The following BMPER variants were observed in gnomAD, a reference collection of about 807,000 sequenced individuals.
BMPER encodes BMP-binding endothelial regulator protein.
Under a neutral mutation model 87.3 loss-of-function variants are expected in BMPER, and 45 were observed. The ratio of observed to expected loss-of-function variants is 0.52; its 90% CI spans 0.41 to 0.66. The LOEUF is 0.66. BMPER is among the 30% of genes least tolerant of loss of function. The pLI is 0.00. For synonymous variants in BMPER, 326 were observed against 316.2 expected (o/e 1.03, Z -0.33); for missense variants, 784 against 867.5 (o/e 0.90, Z 1.21).
At chr7:33,905,218 C>A (rs1409009984), upstream of BMPER, 2 of 308,008 alleles carry the variant, frequency 6.5e-6, no homozygotes, top group Admixed American at 9.0e-5. Context: ...GCAGCCCGGG[C>A]GGCGGCTGAG....
At chr7:33,919,680 A>G (rs943512396) in intron 2 of BMPER, among the ~76,000 whole-genome samples, 1 of 152,230 alleles carries the variant, frequency 6.6e-6, no homozygotes, top group Non-Finnish European at 1.5e-5. Flanking sequence ...TTGAGCATTT[A>G]TGTTAATAAT....
chr7:33,996,518 A>C (rs1331889556), intron 6 of BMPER, among the ~76,000 whole-genome samples: 2 of 152,230 alleles, frequency 1.3e-5, no homozygotes, highest in Non-Finnish European at 2.9e-5. Flanking sequence ...GGCTATGCAT[A>C]GGGAGATAGT....
At chr7:34,075,912 A>G (rs1253172565) in intron 11 of BMPER, among the ~76,000 whole-genome samples, 1 of 152,224 alleles carries the variant, frequency 6.6e-6, no homozygotes, top group Non-Finnish European at 1.5e-5. Flanking sequence ...TTGAGGTGCC[A>G]GGAAAAAGGG....
At chr7:33,939,226 T>C (rs1361788089) in intron 3 of BMPER, among the ~76,000 whole-genome samples, 1 of 152,166 alleles carries the variant, frequency 6.6e-6, no homozygotes, top group African/African-American at 2.4e-5. Context: ...TGCTGTAGTG[T>C]GTAGCCTTCT....
At chr7:34,058,208 A>G in intron 10 of BMPER, 45 bp downstream of exon 10, 1 of 1,559,586 alleles carries the variant, frequency 6.4e-7, no homozygotes, top group East Asian at 2.2e-5. Flanking sequence ...GTCTTGAGAA[A>G]TGTCCTGTGT....
chr7:34,134,348 G>T (rs1790666584), intron 13 of BMPER, among the ~76,000 whole-genome samples: 1 of 152,184 alleles, frequency 6.6e-6, no homozygotes, highest in Admixed American at 6.5e-5. Context: ...AAGAATTATG[G>T]TTACTTCATG....
At chr7:34,108,774 G>A (rs188622186) in intron 13 of BMPER, among the ~76,000 whole-genome samples, 287 of 152,296 alleles carry the variant, frequency 1.9e-3, no homozygotes, top group Non-Finnish European at 3.2e-3. Flanking sequence ...GGATTGCAAT[G>A]GGAAAACCCC....
intron 2 of BMPER, among the ~76,000 whole-genome samples, chr7:33,916,067 G>A (rs1246670912): frequency 6.6e-6 from 1 of 152,156 alleles, no homozygotes; most frequent in African/African-American, 2.4e-5. Context: ...GACTGCCTTT[G>A]CCATACTTTA....
At chr7:34,038,129 A>G (rs904776811) in intron 6 of BMPER, among the ~76,000 whole-genome samples, 7 of 152,228 alleles carry the variant, frequency 4.6e-5, no homozygotes, top group African/African-American at 1.7e-4. Flanking sequence ...CTTACATGGC[A>G]CAAGAGACTT....
intron 13 of BMPER, among the ~76,000 whole-genome samples, chr7:34,091,238 A>C (rs1460103602): frequency 1.3e-5 from 2 of 152,240 alleles, no homozygotes; most frequent in Non-Finnish European, 2.9e-5. Flanking sequence ...CAAGGGGTAC[A>C]GACTTTATGT....
intron 6 of BMPER, among the ~76,000 whole-genome samples, chr7:34,036,295 T>C (rs1251165467): frequency 6.6e-6 from 1 of 152,222 alleles, no homozygotes; most frequent in Non-Finnish European, 1.5e-5. Flanking sequence ...CTTTCACTTT[T>C]TTTTGTTTGT....
chr7:34,081,031 G>A (rs1409668403), intron 12 of BMPER, among the ~76,000 whole-genome samples: 5 of 151,894 alleles, frequency 3.3e-5, no homozygotes, highest in Non-Finnish European at 4.4e-5. Context: ...CAAGATGCAA[G>A]TAATTTTCAT....
At chr7:34,081,402 G>A (rs1169905527) in intron 12 of BMPER, among the ~76,000 whole-genome samples, 1 of 152,236 alleles carries the variant, frequency 6.6e-6, no homozygotes, top group Non-Finnish European at 1.5e-5. Context: ...GCTGGAAGAT[G>A]GGAGATGGGA....
chr7:33,943,396 A>T (rs896785346), intron 3 of BMPER, among the ~76,000 whole-genome samples: 11 of 152,216 alleles, frequency 7.2e-5, no homozygotes, highest in Non-Finnish European at 1.2e-4. Context: ...AGGCCAGTTC[A>T]TGCTTTTTCA....
chr7:34,083,183 G>A (rs978623149), intron 12 of BMPER, among the ~76,000 whole-genome samples: 6 of 152,132 alleles, frequency 3.9e-5, no homozygotes, highest in East Asian at 1.9e-4. Context: ...GCTATATAAC[G>A]TGTTGGATGA....
At chr7:33,921,932 C>G (rs1296140703) in intron 2 of BMPER, 1 of 452,268 alleles carries the variant, frequency 2.2e-6, no homozygotes, top group East Asian at 7.1e-5. Flanking sequence ...CCAACCCCTT[C>G]GACTCCTCAA....
At chr7:34,107,382 G>A (rs553399678) in intron 13 of BMPER, among the ~76,000 whole-genome samples, 3 of 152,248 alleles carry the variant, frequency 2.0e-5, no homozygotes, top group Admixed American at 6.5e-5. Context: ...AAGAGCATTC[G>A]CAAACTAATT....
intron 6 of BMPER, among the ~76,000 whole-genome samples, chr7:34,006,764 G>A (rs753159983): frequency 5.9e-5 from 9 of 151,584 alleles, no homozygotes; most frequent in African/African-American, 4.9e-5. Context: ...TCCTCTTTGC[G>A]ATGCAATTTG....
intron 6 of BMPER, among the ~76,000 whole-genome samples, chr7:33,975,269 A>G (rs1248704739): frequency 6.6e-6 from 1 of 152,118 alleles, no homozygotes; most frequent in East Asian, 1.9e-4. Context: ...TAGTGCAGCC[A>G]AATAAGAAGC....
Sources: gnomAD v4.1 joint callset for allele counts (sites outside exome capture counted in the v4.1 genomes callset) on GRCh38, gnomAD v4.1.1 for gene constraint, MANE v1.5 for transcripts, NCBI Gene and HGNC (gene_info 2026-07-23, HGNC 2026-07-21) for gene names.